TTLL8: variants seen among roughly 807,000 people sequenced by gnomAD.
TTLL8 encodes the protein tubulin tyrosine ligase like 8.
TTLL8 carries 65 observed loss-of-function variants against 77.8 expected under a neutral mutation model. The ratio of observed to expected loss-of-function variants is 0.84; its 90% confidence interval spans 0.68 to 1.03. The LOEUF is 1.03. Among genes scored for constraint, TTLL8 ranks in the 50% least tolerant of loss-of-function variants. The pLI is 0.00. For synonymous variants in TTLL8, 402 were observed against 422.8 expected, an observed-to-expected ratio of 0.95 and a Z score of 0.60; for missense variants, 910 against 1,004.5, an observed-to-expected ratio of 0.91 and a Z score of 1.27.
intron 11 of TTLL8, among the ~76,000 whole-genome samples, chr22:50,031,279 C>G (rs1277519599): frequency 6.6e-6 from 1 of 152,178 alleles, no homozygotes; most frequent in African/African-American, 2.4e-5. Context: ...CGCGAAAGAT[C>G]CTCAGAGTGG....
intron 12 of TTLL8, chr22:50,030,078 G>T: frequency 2.5e-6 from 2 of 800,548 alleles, no homozygotes; most frequent in Non-Finnish European, 3.0e-6. Flanking sequence ...CAGGGAGCTT[G>T]GTGCTGTTCA....
upstream of TTLL8, among the ~76,000 whole-genome samples, chr22:50,057,391 G>GA (rs2061479621): frequency 8.3e-6 from 1 of 119,942 alleles, no homozygotes; most frequent in Non-Finnish European, 1.6e-5. Flanking sequence ...GTCTGGGTTG[G>GA]GGTCAGGTCT....
Position 50,034,448 on chromosome 22 carries a change from C to A in TTLL8, c.936G>T (p.Leu312=). The change falls in exon 9 of 14, where the codon CTG becomes CTT. Residue 312 remains leucine, a synonymous_variant. Transcript: ENST00000266182. The surrounding 1 kb of genome is among the most constrained non-coding windows in gnomAD (Gnocchi z 4.1). ...GAGGGTTCACAGACGTGATTCTATT[C>A]AGCAGAGCCTGGCACTGCGAAAAGT... is the stretch of plus-strand genomic sequence containing the variant. The A allele has an allele frequency of 2.2e-6, 3 of 1,367,206 alleles. No homozygotes were observed. Among genetic ancestry groups the A allele is most frequent in the Non-Finnish European group, 2.9e-6 (3 of 1,021,818 alleles). 84.7% of individuals were successfully genotyped at this position (1,367,206 alleles called of 1,614,324 possible).
intron 12 of TTLL8, among the ~76,000 whole-genome samples, chr22:50,027,271 C>T (rs530822498): frequency 6.7e-6 from 1 of 150,304 alleles, no homozygotes; most frequent in South Asian, 2.1e-4. Context: ...TGGTGGCTCA[C>T]GCCTGTAATC....
At position 50,041,350 on chromosome 22, in the gene TTLL8, G is replaced by A. The variant is rs757505827; in HGVS notation, c.831-73C>T. On this transcript the variant is annotated intron_variant, in intron 7 of 13. Transcript: ENST00000266182. This position sits in a 1 kb window ranked among gnomAD's most constrained non-coding sequence, Gnocchi z 4.3. Reference sequence around the variant, plus strand: ...AGGCAACAGAGGGCCTGGGCACCCCGACACCCATAAGGCACCCCAAGATCC... The same window carrying A: ...AGGCAACAGAGGGCCTGGGCACCCCAACACCCATAAGGCACCCCAAGATCC... The A allele has an allele frequency of 1.2e-4, 70 of 594,628 alleles. 1 individual carries two copies. The highest frequency in any genetic ancestry group is 8.8e-4 in the Admixed American group (34 of 38,456). 36.8% of individuals were successfully genotyped at this position (594,628 alleles called of 1,614,324 possible). A position where few individuals can be genotyped will look rare whatever the true frequency, so the allele number is the denominator to read the frequency against.
intron 11 of TTLL8, among the ~76,000 whole-genome samples, chr22:50,031,294 G>A (rs916713384): frequency 3.3e-5 from 5 of 152,240 alleles, no homozygotes; most frequent in Non-Finnish European, 7.3e-5. Flanking sequence ...GAGTGGAGGA[G>A]GCACTGCAGG....
At position 50,041,476 on chromosome 22, in the gene TTLL8, G is replaced by A; in HGVS notation, c.830+145C>T. 8.3e-7 allele frequency: 1 copy of A among 1,199,304 alleles called. No individual in the cohort carries two copies. The highest frequency in any genetic ancestry group is 1.6e-5 in the South Asian group (1 of 63,760). 74.3% of individuals were successfully genotyped at this position (1,199,304 alleles called of 1,614,324 possible). A position where few individuals can be genotyped will look rare whatever the true frequency, so the allele number is the denominator to read the frequency against. ...CATCCAGACAGGAGCCCCAACGCCA[G>A]GACAGGCATCTCAACACTCAATACC... On this transcript the variant is annotated intron_variant, in intron 7 of 13. Coordinates refer to ENST00000266182, the Ensembl canonical transcript of TTLL8. This position sits in a 1 kb window ranked among gnomAD's most constrained non-coding sequence, Gnocchi z 4.3.
At chr22:50,051,734 A>G (rs1028619605) in intron 1 of TTLL8, among the ~76,000 whole-genome samples, 14 of 152,306 alleles carry the variant, frequency 9.2e-5, no homozygotes, top group Admixed American at 4.6e-4. Flanking sequence ...CCATTCTTGC[A>G]GGAGGAAGGT....
At chr22:50,048,132 G>GTA (rs1223137702) in intron 3 of TTLL8, among the ~76,000 whole-genome samples, 1 of 151,762 alleles carries the variant, frequency 6.6e-6, no homozygotes, top group Non-Finnish European at 1.5e-5. Flanking sequence ...GTGTGTGTGT[G>GTA]TGTGTGTGTG....
intron 1 of TTLL8, among the ~76,000 whole-genome samples, chr22:50,052,217 A>C (rs2061447768): frequency 6.6e-6 from 1 of 152,154 alleles, no homozygotes; most frequent in African/African-American, 2.4e-5. Context: ...CTTTGGGGAG[A>C]ACGGTGGGGG....
rs60567785 is a variant in TTLL8, at chr22:50,028,907, AC to A, written c.2203+1522del. 3.2e-3 allele frequency among the ~76,000 whole-genome samples: 18 copies of A among 5,646 alleles called. 1 individual carries two copies. The highest frequency in any genetic ancestry group is 5.4e-3 in the Admixed American group (2 of 370). 3.7% of individuals were successfully genotyped at this position (5,646 alleles called of 152,430 possible). On this transcript the variant is annotated intron_variant, in intron 12 of 13. Transcript: ENST00000266182. ...AAAGACCCCACATACCCTCGTAAAG[AC>A]CCCCATCACACCGTCCTGAAGACCC...
intron 12 of TTLL8, among the ~76,000 whole-genome samples, chr22:50,025,170 C>T (rs548277426): frequency 4.6e-5 from 7 of 151,172 alleles, no homozygotes; most frequent in Admixed American, 2.7e-4. Context: ...TTACACTGAG[C>T]GATTATTACA....
chr22:50,024,835 A>C lies in TTLL8; in HGVS notation c.2203+5595T>G, dbSNP rs930068287. Among the ~76,000 whole-genome samples, 154 of 152,370 alleles carry C rather than the reference A, an allele frequency of 1.0e-3. 1 individual carries two copies. The highest frequency in any genetic ancestry group is 1.9e-4 in the Non-Finnish European group (13 of 68,038). ...TGATGGTGTGGGTGAAAGCACGTTCAGAGTCCCAGCAGGTTGTTTCAGCAG... is the reference window on the plus strand; with the variant it reads ...TGATGGTGTGGGTGAAAGCACGTTCCGAGTCCCAGCAGGTTGTTTCAGCAG... On this transcript the variant is annotated intron_variant, in intron 12 of 13. Transcript: ENST00000266182.
At chr22:50,032,983 G>T in intron 10 of TTLL8, 1 of 216,172 alleles carries the variant, frequency 4.6e-6, no homozygotes, top group Non-Finnish European at 7.9e-6. Context: ...CACAGAGCGT[G>T]GGGTGTAGGG....
intron 3 of TTLL8, among the ~76,000 whole-genome samples, chr22:50,048,578 C>T (rs1034248695): frequency 1.3e-5 from 2 of 152,108 alleles, no homozygotes; most frequent in East Asian, 1.9e-4. Flanking sequence ...CTGTGGGAGC[C>T]GCTGGAGCAC....
intron 6 of TTLL8, among the ~76,000 whole-genome samples, chr22:50,043,341 A>G (rs1224891775): frequency 2.0e-5 from 3 of 149,940 alleles, no homozygotes; most frequent in Admixed American, 1.3e-4. Context: ...ATAGATAAAC[A>G]GTGGTACCGA....
At chr22:50,049,412 C>G in intron 2 of TTLL8, 90 bp from the exon 5 acceptor site, 1 of 1,310,736 alleles carries the variant, frequency 7.6e-7, no homozygotes, top group South Asian at 1.2e-5. Flanking sequence ...GGCAGGACAG[C>G]GACTTTACTT....
chr22:50,034,028 C>T lies in TTLL8; in HGVS notation c.1039+317G>A, dbSNP rs1051301395. On this transcript the variant is annotated intron_variant, in intron 9 of 13. Transcript: ENST00000266182. This position sits in a 1 kb window ranked among gnomAD's most constrained non-coding sequence, Gnocchi z 4.1. Reference sequence around the variant, plus strand: ...AGCCTGGGCAACAAGAGTGAAACTCCGTTTCAAAAAACTAAAAATAAAATA... The same window carrying T: ...AGCCTGGGCAACAAGAGTGAAACTCTGTTTCAAAAAACTAAAAATAAAATA... Among the ~76,000 whole-genome samples, 3 of 151,900 alleles carry T rather than the reference C, an allele frequency of 2.0e-5. No homozygotes were observed. Among genetic ancestry groups the T allele is most frequent in the Admixed American group, 6.6e-5 (1 of 15,244 alleles).
intron 1 of TTLL8, among the ~76,000 whole-genome samples, chr22:50,053,467 G>A (rs187218943): frequency 2.6e-5 from 4 of 152,188 alleles, no homozygotes; most frequent in East Asian, 3.9e-4. Context: ...ATAGACAAAC[G>A]TACTCCAAAA....
Sources: allele counts gnomAD v4.1 joint callset (sites outside exome capture counted in the v4.1 genomes callset), GRCh38; gene constraint gnomAD v4.1.1; non-coding constraint Gnocchi (gnomAD v3.1); transcripts MANE v1.5; gene names NCBI Gene and HGNC (gene_info 2026-07-23, HGNC 2026-07-21).